NPTX2: variants seen among roughly 807,000 people sequenced by gnomAD.
NPTX2 encodes the protein neuronal pentraxin-2.
A neutral mutation model predicts 38.1 loss-of-function variants in NPTX2; 23 were observed. The observed-to-expected ratio is 0.60, with a 90% CI of 0.43 to 0.85. NPTX2 has a LOEUF of 0.85. Among genes scored for constraint, NPTX2 ranks in the 40% least tolerant of loss-of-function variants. The probability of loss-of-function intolerance (pLI) is 0.00; values close to 1 mark genes in which losing one functional copy is unlikely to be tolerated. For synonymous variants in NPTX2, 291 were observed against 287.3 expected, an observed-to-expected ratio of 1.01 and a Z score of -0.13; for missense variants, 553 against 615.3, an observed-to-expected ratio of 0.90 and a Z score of 1.07.
At chr7:98,620,822 A>G (rs1791259362) in intron 2 of NPTX2, among the ~76,000 whole-genome samples, 1 of 152,086 alleles carries the variant, frequency 6.6e-6, no homozygotes, top group Non-Finnish European at 1.5e-5. Flanking sequence ...TGCCTCTCGA[A>G]AGGGGAACTG....
At position 98,629,410 on chromosome 7, in the gene NPTX2, T is replaced by C. The variant is rs1028258697; in HGVS notation, c.*781T>C. ...TGCCAAAGGTTCCGTTGCAGCTTTTTACAACCATCCGGTGTGGTTTGGAGG... is the reference window on the plus strand; with the variant it reads ...TGCCAAAGGTTCCGTTGCAGCTTTTCACAACCATCCGGTGTGGTTTGGAGG... On this transcript the variant is annotated 3_prime_UTR_variant, in exon 5 of 5. Transcript: ENST00000265634. The C allele has an allele frequency of 1.3e-5, 2 of 152,590 alleles. No individual in the cohort carries two copies. Among genetic ancestry groups the C allele is most frequent in the Non-Finnish European group, 2.9e-5 (2 of 68,044 alleles). 9.5% of individuals were successfully genotyped at this position (152,590 alleles called of 1,614,324 possible). A position where few individuals can be genotyped will look rare whatever the true frequency, so the allele number is the denominator to read the frequency against.
In NPTX2 at chr7:98,623,764, C is replaced by T. The variant is rs75640960; in HGVS notation, c.644-1158C>T. Among the ~76,000 whole-genome samples, 1,062 of 152,264 alleles carry T rather than the reference C, an allele frequency of 7.0e-3. 39 individuals are homozygous for T. The highest frequency in any genetic ancestry group is 0.048 in the East Asian group (249 of 5,180). On this transcript the variant is annotated intron_variant, in intron 2 of 4. Transcript: ENST00000265634. ...TCACTTGACAAGTGTTTATTGGGTG[C>T]CTGGGTCCCTGTAAGACTTCCTTCT...
At chr7:98,625,213 T>C (rs377598196) in intron 3 of NPTX2, 47 bp downstream of exon 3, 1 of 1,542,440 alleles carries the variant, frequency 6.5e-7, no homozygotes, top group Non-Finnish European at 8.8e-7. Context: ...CATCATGTGG[T>C]GGAGGGAGCC....
At chr7:98,627,081 T>G in intron 3 of NPTX2, 84 bp from the exon 4 acceptor site, 1 of 860,064 alleles carries the variant, frequency 1.2e-6, no homozygotes, top group Non-Finnish European at 1.9e-6. Flanking sequence ...AGGGGGACTG[T>G]GGGGTGTCCT....
At chr7:98,625,221 G>C in intron 3 of NPTX2, 55 bp downstream of exon 3, 1 of 1,538,400 alleles carries the variant, frequency 6.5e-7, no homozygotes, top group Middle Eastern at 2.1e-4. Context: ...GGTGGAGGGA[G>C]CCACAGCCCC....
chr7:98,628,573 G>A lies in NPTX2; in HGVS notation c.1240G>A (p.Gly414Arg), dbSNP rs766600008. The change falls in exon 5 of 5, where the codon GGA (glycine) becomes AGA (arginine). Residue 414 changes from glycine to arginine, a missense_variant. Gly to Arg is a moderately radical substitution (Grantham distance 125). Transcript: ENST00000265634. ...PWVDNNVDVF[G>R]GASKWPVETC... ...GGTGGACAATAACGTCGATGTGTTC[G>A]GAGGGGCCTCCAAGTGGCCCGTGGA... 8.7e-6 allele frequency: 14 copies of A among 1,607,262 alleles called. No individual in the cohort carries two copies. Among genetic ancestry groups the A allele is most frequent in the Admixed American group, 1.7e-5 (1 of 59,584 alleles).
chr7:98,623,618 T>C (rs991211030), intron 2 of NPTX2, among the ~76,000 whole-genome samples: 19 of 152,288 alleles, frequency 1.2e-4, no homozygotes, highest in South Asian at 6.2e-4. Context: ...AAAGTGCTTT[T>C]TGTCAGGGAT....
At chr7:98,620,089 T>C in intron 2 of NPTX2, 1 of 574,428 alleles carries the variant, frequency 1.7e-6, no homozygotes, top group Non-Finnish European at 3.1e-6. Context: ...CCAGCTTCGA[T>C]AAGCAACCAC....
chr7:98,618,593 C>T (rs1791219709), intron 1 of NPTX2, among the ~76,000 whole-genome samples: 1 of 37,336 alleles, frequency 2.7e-5, no homozygotes, highest in African/African-American at 1.3e-4. Context: ...CCTCCCCCTC[C>T]GTCCCCCCCC....
intron 2 of NPTX2, among the ~76,000 whole-genome samples, chr7:98,623,134 G>C (rs1269134777): frequency 6.6e-6 from 1 of 152,210 alleles, no homozygotes; most frequent in Non-Finnish European, 1.5e-5. Context: ...GAGCCCGCCT[G>C]TCTCTGATGG....
chr7:98,624,726 T>A (rs1037278846), intron 2 of NPTX2, among the ~76,000 whole-genome samples, 196 bp from the exon 3 acceptor site: 44 of 152,186 alleles, frequency 2.9e-4, no homozygotes, highest in Non-Finnish European at 2.9e-5. Context: ...GACTCCATCT[T>A]GTGTCCTGAA....
In NPTX2 at chr7:98,617,713, C is replaced by T. The variant is rs1448166576; in HGVS notation, c.252C>T (p.Ile84=). The T allele has an allele frequency of 8.4e-6, 12 of 1,433,068 alleles. No individual in the cohort carries two copies. Among genetic ancestry groups the T allele is most frequent in the Non-Finnish European group, 1.1e-5 (12 of 1,105,092 alleles). 88.8% of individuals were successfully genotyped at this position (1,433,068 alleles called of 1,614,324 possible). ...CGCTGGGCGCGCAGCGCGAGGCCAT[C>T]CGCGAGCTCACGGGCAAGCTAGCGC... is the stretch of plus-strand genomic sequence containing the variant. ...KETLGAQREA[I]RELTGKLARC... The change falls in exon 1 of 5, where the codon ATC becomes ATT. Residue 84 remains isoleucine (I), a synonymous_variant. Transcript: ENST00000265634.
At chr7:98,626,625 G>A (rs2115631731) in intron 3 of NPTX2, among the ~76,000 whole-genome samples, 1 of 152,322 alleles carries the variant, frequency 6.6e-6, no homozygotes, top group East Asian at 1.9e-4. Flanking sequence ...AGGCGAGCCT[G>A]CATAGAAAGT....
intron 3 of NPTX2, among the ~76,000 whole-genome samples, chr7:98,626,035 A>G (rs758991640): frequency 4.6e-5 from 7 of 150,862 alleles, no homozygotes; most frequent in Non-Finnish European, 1.0e-4. Flanking sequence ...AGTTCCAGCT[A>G]CTCGGGAGGC....
At position 98,617,872 on chromosome 7, in the gene NPTX2, C is replaced by A; in HGVS notation, c.411C>A (p.Arg137=). 2.6e-6 allele frequency: 4 copies of A among 1,555,882 alleles called. No homozygotes were observed. The highest frequency in any genetic ancestry group is 3.5e-6 in the Non-Finnish European group (4 of 1,159,140). ...LSRSLQTLKD[R]LESLEHQLRA... ...GCTCGCTGCAGACCCTCAAGGACCG[C>A]CTGGAGAGCCTCGAGGTAGCGGCCC... The change falls in exon 1 of 5, where the codon CGC becomes CGA. Residue 137 remains arginine, a synonymous_variant. Coordinates refer to ENST00000265634, the MANE Select transcript of NPTX2 (RefSeq NM_002523.3).
At chr7:98,626,434 C>T (rs1791351809) in intron 3 of NPTX2, among the ~76,000 whole-genome samples, 1 of 152,062 alleles carries the variant, frequency 6.6e-6, no homozygotes, top group Non-Finnish European at 1.5e-5. Context: ...TGCTGGGCTC[C>T]TCCTAGATAG....
rs939933213 is a variant in NPTX2 at position 98,625,000 on chromosome 7, A to G, written c.722A>G (p.Lys241Arg). The G allele has an allele frequency of 1.9e-6, 3 of 1,613,956 alleles. No individual in the cohort carries two copies. Among genetic ancestry groups the G allele is most frequent in the Non-Finnish European group, 2.5e-6 (3 of 1,180,034 alleles). Residue 241 changes from lysine (K) to arginine (R), a missense_variant, in exon 3 of 5, where the codon AAG becomes AGG. Lys to Arg is a conservative substitution (Grantham distance 26, BLOSUM62 2). Transcript: ENST00000265634. Reference protein sequence around the residue: ...LRTNYLYGKIKKTLPELYAFT... With the variant: ...LRTNYLYGKIRKTLPELYAFT... The stretch of plus-strand genomic sequence containing the variant: ...ACAAACTACCTATACGGCAAGATCA[A>G]GAAGACGCTGCCTGAGCTGTACGCC...
At chr7:98,625,962 A>G (rs1013079147) in intron 3 of NPTX2, among the ~76,000 whole-genome samples, 1 of 151,966 alleles carries the variant, frequency 6.6e-6, no homozygotes, top group South Asian at 2.1e-4. Context: ...CCTGGGCAAC[A>G]TAGCAAGACC....
Position 98,627,375 on chromosome 7 carries a change from G to A in NPTX2, c.1068+31G>A, listed in dbSNP as rs368608000. ...TGCAGGGCAGGTGCAGGTGGGCACA[G>A]GGTGGGTGCAGGATGGGCACAGGGT... On this transcript the variant is annotated intron_variant, in intron 4 of 4. Coordinates refer to ENST00000265634, the MANE Select transcript of NPTX2 (RefSeq NM_002523.3). The A allele has an allele frequency of 1.8e-4, 291 of 1,599,396 alleles. 2 individuals are homozygous for A. Among genetic ancestry groups the A allele is most frequent in the Non-Finnish European group, 5.6e-5 (66 of 1,170,372 alleles).
Sources: gnomAD v4.1 joint callset for allele counts (sites outside exome capture counted in the v4.1 genomes callset) on GRCh38, gnomAD v4.1.1 for gene constraint, MANE v1.5 for transcripts, NCBI Gene and HGNC (gene_info 2026-07-23, HGNC 2026-07-21) for gene names.